Variants in SIMC1 observed in about 807,000 individuals in gnomAD.
SIMC1 encodes the protein SUMO interacting motifs containing 1.
In SIMC1, 55 loss-of-function variants were observed where a neutral mutation model predicts 82.3. The observed-to-expected ratio is 0.67, with a 90% CI of 0.54 to 0.84. The LOEUF (loss-of-function observed/expected upper bound fraction) is 0.84, where lower values mean the gene tolerates loss of function less well. SIMC1 is among the 40% of genes least tolerant of loss of function. The probability of loss-of-function intolerance (pLI) is 0.00; values close to 1 mark genes in which losing one functional copy is unlikely to be tolerated. For missense variants in SIMC1, 915 were observed against 1,107.2 expected (o/e 0.83, Z 2.46); for synonymous variants, 353 against 426.3 (o/e 0.83, Z 2.12).
intron 7 of SIMC1, among the ~76,000 whole-genome samples, chr5:176,332,276 T>C (rs542255006): frequency 2.0e-5 from 3 of 152,136 alleles, no homozygotes. Context: ...TTAAAATCTT[T>C]TTGTTTGTTT....
chr5:176,295,906 A>G (rs1182780774), intron 3 of SIMC1, among the ~76,000 whole-genome samples: 1 of 152,228 alleles, frequency 6.6e-6, no homozygotes, highest in African/African-American at 2.4e-5. Context: ...CTTTGAGCCA[A>G]TCACCGTGAA....
At chr5:176,292,548 C>CT (rs1160738908) in intron 2 of SIMC1, among the ~76,000 whole-genome samples, 51 of 150,030 alleles carry the variant, frequency 3.4e-4, no homozygotes, top group South Asian at 6.4e-4. Flanking sequence ...CTAGCTCATT[C>CT]TTTTTTTTTT....
rs1311694693 is a variant in SIMC1 at position 176,278,163 on chromosome 5, A to C, written c.130-11491A>C. 5.6e-5 allele frequency among the ~76,000 whole-genome samples: 3 copies of C among 53,586 alleles called. 1 individual carries two copies. Among genetic ancestry groups the C allele is most frequent in the African/African-American group, 1.4e-4 (2 of 14,068 alleles). 35.2% of individuals were successfully genotyped at this position (53,586 alleles called of 152,430 possible). A position where few individuals can be genotyped will look rare whatever the true frequency, so the allele number is the denominator to read the frequency against. On this transcript the variant is annotated intron_variant, in intron 1 of 9. Transcript: ENST00000429602. The stretch of plus-strand genomic sequence containing the variant: ...GTAGTTCTCCTTGAAGAGGTCCTTC[A>C]CGTCCCTTGTAAGTTGGATTCCTAG...
Position 176,253,751 on chromosome 5 carries a change from G to A in SIMC1, c.129+15114G>A, listed in dbSNP as rs540211408. Among the ~76,000 whole-genome samples, 6 of 152,166 alleles carry A rather than the reference G, an allele frequency of 3.9e-5. No homozygotes were observed. In the South Asian group the frequency reaches 1.2e-3, roughly 32 times the overall value. ...GTTTCCTATCACCTCAAAGTGCTGG[G>A]CCAGCATTATTCTGTTAGGCATTGT... On this transcript the variant is annotated intron_variant, in intron 1 of 9. Coordinates refer to ENST00000429602, the MANE Select transcript of SIMC1 (RefSeq NM_001308195.2).
intron 2 of SIMC1, among the ~76,000 whole-genome samples, chr5:176,294,577 CCT>C (rs1318328135): frequency 2.6e-5 from 4 of 151,558 alleles, no homozygotes; most frequent in Non-Finnish European, 5.9e-5. Context: ...CTGCACCCGT[CCT>C]CTTTTTTTTT....
intron 5 of SIMC1, 52 bp downstream of exon 5, chr5:176,313,897 G>A: frequency 6.2e-7 from 1 of 1,603,896 alleles, no homozygotes; most frequent in East Asian, 2.2e-5. Context: ...ATTATAGGTG[G>A]GCAGCTGCTG....
At chr5:176,335,242 G>C (rs1765838377) in intron 7 of SIMC1, among the ~76,000 whole-genome samples, 1 of 150,126 alleles carries the variant, frequency 6.7e-6, no homozygotes, top group Non-Finnish European at 1.5e-5. Flanking sequence ...CTGTGTTGAG[G>C]CTGGATCTAG....
intron 4 of SIMC1, among the ~76,000 whole-genome samples, chr5:176,306,378 C>T (rs111308510): frequency 7.8e-6 from 1 of 128,524 alleles, no homozygotes; most frequent in African/African-American, 2.5e-5. Context: ...AGTGAGGAGC[C>T]CCTCTGCCCG....
chr5:176,288,068 C>A (rs1159237097), intron 1 of SIMC1, among the ~76,000 whole-genome samples: 1 of 152,118 alleles, frequency 6.6e-6, no homozygotes, highest in African/African-American at 2.4e-5. Flanking sequence ...ATGAAAAAAG[C>A]AAACATTCCT....
intron 1 of SIMC1, chr5:176,263,283 T>C (rs1762077811): frequency 1.8e-5 from 14 of 757,896 alleles, no homozygotes; most frequent in Non-Finnish European, 2.5e-5. Flanking sequence ...ATCAACAAAC[T>C]GATTGTAAAG....
intron 2 of SIMC1, among the ~76,000 whole-genome samples, chr5:176,292,024 C>A (rs1763597891): frequency 6.6e-6 from 1 of 152,128 alleles, no homozygotes; most frequent in African/African-American, 2.4e-5. Flanking sequence ...CCACTGCACT[C>A]CAGCCTTGGC....
rs1234355904 is a variant in SIMC1 at position 176,290,236 on chromosome 5, C to T, written c.712C>T (p.Arg238Ter). The T allele has an allele frequency of 4.3e-6, 7 of 1,612,854 alleles. No individual in the cohort carries two copies. Among genetic ancestry groups the T allele is most frequent in the African/African-American group, 1.3e-5 (1 of 74,808 alleles). The change falls in exon 2 of 10, where the codon CGA becomes TGA. Residue 238 changes from arginine to a stop codon, truncating the protein, a stop_gained. Transcript: ENST00000429602. LOFTEE classifies it high-confidence loss of function. ...ACCGAGAGCCTCACCATGTCCACCACGAGCCTCCTCATGCCCACCACGAGC... is the reference window on the plus strand; with the variant it reads ...ACCGAGAGCCTCACCATGTCCACCATGAGCCTCCTCATGCCCACCACGAGC... ...CPPRASPCPP[R>*]ASSCPPRALS...
chr5:176,320,727 C>A (rs940289460), intron 5 of SIMC1, among the ~76,000 whole-genome samples: 1 of 151,990 alleles, frequency 6.6e-6, no homozygotes, highest in Non-Finnish European at 1.5e-5. Flanking sequence ...CTGGTGCTAC[C>A]GCTTGCAGAG....
At chr5:176,279,426 T>G (rs1762877237) in intron 1 of SIMC1, among the ~76,000 whole-genome samples, 2 of 152,202 alleles carry the variant, frequency 1.3e-5, no homozygotes, top group Admixed American at 1.3e-4. Context: ...AAAAACCAGC[T>G]TCTGGATTCA....
chr5:176,304,711 C>T lies in SIMC1; in HGVS notation c.1734+8391C>T, dbSNP rs868446227. Among the ~76,000 whole-genome samples the T allele has an allele frequency of 3.5e-3, 519 of 149,374 alleles. 2 individuals are homozygous for T. The highest frequency in any genetic ancestry group is 0.012 in the African/African-American group (479 of 40,494). On this transcript the variant is annotated intron_variant, in intron 4 of 9. Coordinates refer to ENST00000429602, the MANE Select transcript of SIMC1 (RefSeq NM_001308195.2). ...CAGTCTGGAAAGTGAGGAGCGTCTC[C>T]GCCCGGCCGCCATCCCATCTAGGAA...
intron 4 of SIMC1, chr5:176,308,114 A>G (rs1764505081): frequency 1.0e-5 from 9 of 869,304 alleles, no homozygotes; most frequent in Non-Finnish European, 1.5e-5. Flanking sequence ...AGAGTCTGAC[A>G]CTTTCCTTGT....
chr5:176,329,496 TA>T (rs60571584), intron 7 of SIMC1, among the ~76,000 whole-genome samples: 15,682 of 126,502 alleles, frequency 0.12, 913 homozygotes, highest in Admixed American at 0.16. Flanking sequence ...ACTCCCTCTT[TA>T]AAAAAAAAAA....
At chr5:176,280,791 A>C (rs1233449897) in intron 1 of SIMC1, among the ~76,000 whole-genome samples, 1 of 152,182 alleles carries the variant, frequency 6.6e-6, no homozygotes, top group Non-Finnish European at 1.5e-5. Flanking sequence ...AGTTTCTCCC[A>C]AGAGATCCGC....
At chr5:176,247,205 A>G (rs1761480828) in intron 1 of SIMC1, among the ~76,000 whole-genome samples, 1 of 152,122 alleles carries the variant, frequency 6.6e-6, no homozygotes, top group South Asian at 2.1e-4. Context: ...CAATGGTTGA[A>G]CTAATTTACA....
Sources: gnomAD v4.1 joint callset for allele counts (sites outside exome capture counted in the v4.1 genomes callset) on GRCh38, gnomAD v4.1.1 for gene constraint, MANE v1.5 for transcripts, NCBI Gene and HGNC (gene_info 2026-07-23, HGNC 2026-07-21) for gene names.